RBFOX1: variants seen among roughly 807,000 people sequenced by gnomAD.
RBFOX1 encodes the protein RNA binding protein fox-1 homolog 1.
In RBFOX1, 8 loss-of-function variants were observed where a neutral mutation model predicts 57.7. The ratio of observed to expected loss-of-function variants is 0.14; its 90% CI spans 0.08 to 0.25. The LOEUF is 0.25. Among genes scored for constraint, RBFOX1 ranks in the 10% least tolerant of loss-of-function variants. The pLI, the probability that RBFOX1 is intolerant of heterozygous loss-of-function variation, is 1.00. For missense variants in RBFOX1, 611 were observed against 548.5 expected, an observed-to-expected ratio of 1.11 and a Z score of -1.14; for synonymous variants, 326 against 222.4, an observed-to-expected ratio of 1.47 and a Z score of -4.15.
intron 2 of RBFOX1, among the ~76,000 whole-genome samples, chr16:6,580,592 G>A (rs958933062): frequency 2.0e-5 from 3 of 152,146 alleles, no homozygotes; most frequent in African/African-American, 4.8e-5. Context: ...ATGTCACAGG[G>A]GGGGATGCAT....
intron 3 of RBFOX1, among the ~76,000 whole-genome samples, chr16:7,001,493 G>T (rs1232227357): frequency 6.6e-6 from 1 of 151,806 alleles, no homozygotes; most frequent in African/African-American, 2.4e-5. Context: ...GTCTCGCTTT[G>T]TTGCCGAGGA....
At chr16:6,239,356 G>A (rs774976633) in intron 1 of RBFOX1, among the ~76,000 whole-genome samples, 1 of 152,000 alleles carries the variant, frequency 6.6e-6, no homozygotes, top group Non-Finnish European at 1.5e-5. Context: ...CCAAGGGAGA[G>A]TATATGGTCA....
chr16:5,998,261 C>G lies in RBFOX1; in HGVS notation c.351+130926C>G, dbSNP rs147390561. Among the ~76,000 whole-genome samples the G allele has an allele frequency of 3.2e-3, 480 of 152,294 alleles. 3 individuals carry two copies. Among genetic ancestry groups the G allele is most frequent in the African/African-American group, 0.011 (466 of 41,560 alleles). The stretch of plus-strand genomic sequence containing the variant: ...TTTATCCTGGATCTCTCCCTTAGAT[C>G]TCTTTGATAGTCTCTGATATTCTCA... On this transcript the variant is annotated intron_variant, in intron 4 of 19. Transcript: ENST00000641259.
intron 4 of RBFOX1, among the ~76,000 whole-genome samples, chr16:7,327,866 C>T (rs1396829258): frequency 6.6e-6 from 1 of 151,946 alleles, no homozygotes; most frequent in Non-Finnish European, 1.5e-5. Context: ...TCATCATCCC[C>T]TTCTGTGGAC....
intron 3 of RBFOX1, among the ~76,000 whole-genome samples, chr16:6,667,712 G>T (rs2098741473): frequency 6.6e-6 from 1 of 151,950 alleles, no homozygotes; most frequent in African/African-American, 2.4e-5. Flanking sequence ...CCCTATTTCT[G>T]CAAAACTGAA....
intron 4 of RBFOX1, among the ~76,000 whole-genome samples, chr16:7,282,309 C>T (rs1348262068): frequency 6.6e-6 from 1 of 152,170 alleles, no homozygotes; most frequent in African/African-American, 2.4e-5. Flanking sequence ...CTGGATGCCA[C>T]AGTTACTTGT....
chr16:5,971,936 G>C (rs912929783), intron 4 of RBFOX1, among the ~76,000 whole-genome samples: 2 of 152,224 alleles, frequency 1.3e-5, no homozygotes, highest in Admixed American at 1.3e-4. Context: ...GGCCTGAACA[G>C]AGCAGAAAAA....
intron 4 of RBFOX1, among the ~76,000 whole-genome samples, chr16:7,269,363 C>A (rs1019182152): frequency 6.6e-6 from 1 of 152,052 alleles, no homozygotes; most frequent in African/African-American, 2.4e-5. Context: ...AAGCAAAAAT[C>A]ATCCATTAGC....
At chr16:6,465,956 T>C (rs2095039620) in intron 2 of RBFOX1, among the ~76,000 whole-genome samples, 1 of 151,948 alleles carries the variant, frequency 6.6e-6, no homozygotes, top group African/African-American at 2.4e-5. Context: ...AGACTGGGTG[T>C]CGTGGCTCAT....
intron 1 of RBFOX1, among the ~76,000 whole-genome samples, chr16:6,240,861 C>G (rs567250949): frequency 6.6e-6 from 1 of 152,176 alleles, no homozygotes; most frequent in Admixed American, 6.5e-5. Flanking sequence ...GCAGTTTTCC[C>G]TTTTTCAATT....
intron 4 of RBFOX1, among the ~76,000 whole-genome samples, chr16:7,348,221 C>T (rs530141154): frequency 1.3e-4 from 20 of 152,216 alleles, no homozygotes; most frequent in Non-Finnish European, 1.8e-4. Context: ...AACCACAATC[C>T]GCTACCCAAA....
intron 4 of RBFOX1, among the ~76,000 whole-genome samples, chr16:7,116,117 C>A (rs1165175134): frequency 6.6e-6 from 1 of 152,162 alleles, no homozygotes; most frequent in Non-Finnish European, 1.5e-5. Flanking sequence ...GAAACTGAGG[C>A]ACAGACAACA....
At chr16:7,142,257 C>T (rs1230684120) in intron 4 of RBFOX1, among the ~76,000 whole-genome samples, 2 of 152,198 alleles carry the variant, frequency 1.3e-5, no homozygotes, top group Admixed American at 6.5e-5. Context: ...CTGCTGAGCT[C>T]AAGCAATCTT....
intron 4 of RBFOX1, among the ~76,000 whole-genome samples, chr16:7,404,051 T>TTATTTTATTG: frequency 6.7e-6 from 1 of 149,486 alleles, no homozygotes; most frequent in South Asian, 2.1e-4. Context: ...TTATTTTATT[T>TTATTTTATTG]TATTTTATTT....
Position 7,712,777 on chromosome 16 carries a change from G to T in RBFOX1, c.*2032G>T, listed in dbSNP as rs534421123. On this transcript the variant is annotated 3_prime_UTR_variant, in exon 16 of 16. Transcript: ENST00000550418. The stretch of plus-strand genomic sequence containing the variant: ...ACACTATGACATCCTCCAGAGGGAA[G>T]AAAGAGTAGGAGCAGGGGGCTATGG... The T allele has an allele frequency of 3.3e-5, 5 of 152,324 alleles. No homozygotes were observed. Among genetic ancestry groups the T allele is most frequent in the Non-Finnish European group, 5.9e-5 (4 of 68,028 alleles). The allele number at this position is 152,324 out of a possible 1,614,324, so 9.4% of individuals were successfully genotyped here.
At chr16:6,302,145 A>G (rs1226563902) in intron 1 of RBFOX1, among the ~76,000 whole-genome samples, 2 of 152,080 alleles carry the variant, frequency 1.3e-5, no homozygotes, top group Admixed American at 6.5e-5. Flanking sequence ...TCATGCTATG[A>G]AGAAAGTATT....
chr16:6,077,635 C>T lies in RBFOX1; in HGVS notation c.-127+57643C>T, dbSNP rs1027934845. 9.2e-5 allele frequency among the ~76,000 whole-genome samples: 14 copies of T among 152,170 alleles called. 1 individual carries two copies. In the South Asian group the frequency reaches 2.7e-3, roughly 29 times the overall value. On this transcript the variant is annotated intron_variant, in intron 1 of 15. Coordinates refer to ENST00000550418, the MANE Select transcript of RBFOX1 (RefSeq NM_018723.4). Reference sequence around the variant, plus strand: ...ATGGTCTTCGGTAGGTCAAAAAGTGCCCATGCACTTTTCCCCTGCGCTCTT... The same window carrying T: ...ATGGTCTTCGGTAGGTCAAAAAGTGTCCATGCACTTTTCCCCTGCGCTCTT...
At chr16:6,981,042 CA>C (rs36117809) in intron 3 of RBFOX1, among the ~76,000 whole-genome samples, 911 of 77,436 alleles carry the variant, frequency 0.012, 47 homozygotes, top group African/African-American at 0.064. Context: ...GTCTCAGTCT[CA>C]AAAAAAAAAA....
chr16:7,363,557 A>T (rs2097372238), intron 4 of RBFOX1, among the ~76,000 whole-genome samples: 1 of 152,126 alleles, frequency 6.6e-6, no homozygotes, highest in African/African-American at 2.4e-5. Context: ...AGTGCCTGGC[A>T]TAAAATGGGT....
Sources: gnomAD v4.1 joint callset for allele counts (sites outside exome capture counted in the v4.1 genomes callset) on GRCh38, gnomAD v4.1.1 for gene constraint, MANE v1.5 for transcripts, NCBI Gene and HGNC (gene_info 2026-07-23, HGNC 2026-07-21) for gene names.